Variants in DAB1 observed in about 807,000 individuals in gnomAD.
DAB1 encodes DAB adaptor protein 1.
A neutral mutation model predicts 64.6 loss-of-function variants in DAB1; 15 were observed. That is an observed-to-expected ratio of 0.23 (90% CI 0.16 to 0.36). The LOEUF (loss-of-function observed/expected upper bound fraction) is 0.36. Ranked by LOEUF, DAB1 falls within the 10% of genes least tolerant of loss-of-function variation. DAB1 has a pLI of 1.00. For synonymous variants in DAB1, 235 were observed against 251.9 expected, an observed-to-expected ratio of 0.93 and a Z score of 0.64; for missense variants, 596 against 706.7, an observed-to-expected ratio of 0.84 and a Z score of 1.78.
At chr1:57,182,858 G>A (rs1663123763) in intron 2 of DAB1, among the ~76,000 whole-genome samples, 1 of 152,088 alleles carries the variant, frequency 6.6e-6, no homozygotes. Context: ...GGGCTGTGCT[G>A]TCTAATATGT....
intron 5 of DAB1, among the ~76,000 whole-genome samples, chr1:57,937,765 T>G (rs1645047854): frequency 6.6e-6 from 1 of 152,210 alleles, no homozygotes; most frequent in Non-Finnish European, 1.5e-5. Flanking sequence ...AAATCTTCCT[T>G]TCTTGCTCCT....
chr1:58,067,076 T>C lies in DAB1; in HGVS notation n.387+83435A>G, dbSNP rs192636487. On this transcript the variant is annotated intron_variant and non_coding_transcript_variant, in intron 5 of 20. Transcript: ENST00000485760. ...TCCCCATCAGAATAGCTAATTCCTC[T>C]CATTCCACAAGCATCAGACCCTCTT... is the stretch of plus-strand genomic sequence containing the variant. Among the ~76,000 whole-genome samples, 5 of 152,290 alleles carry C rather than the reference T, an allele frequency of 3.3e-5. No individual in the cohort carries two copies. The East Asian group carries it at 9.7e-4, about 29-fold the overall frequency.
chr1:57,275,530 C>A (rs1671390822), intron 2 of DAB1, among the ~76,000 whole-genome samples: 1 of 152,172 alleles, frequency 6.6e-6, no homozygotes, highest in African/African-American at 2.4e-5. Flanking sequence ...CAGCTAAAAA[C>A]CCCTAAAGTC....
chr1:57,538,854 C>T (rs1484340907), intron 7 of DAB1, among the ~76,000 whole-genome samples: 1 of 152,192 alleles, frequency 6.6e-6, no homozygotes, highest in African/African-American at 2.4e-5. Flanking sequence ...CCCACTCACC[C>T]CCCCTACAAC....
At chr1:58,486,769 TTGCCTAAAGAAC>T (rs1384966933) in intron 3 of DAB1, among the ~76,000 whole-genome samples, 1 of 152,140 alleles carries the variant, frequency 6.6e-6, no homozygotes, top group Non-Finnish European at 1.5e-5. Context: ...ACAGTGACAT[TTGCCTAAAGAAC>T]TGAGGGAAGA....
At chr1:58,079,680 C>G (rs1649876287) in intron 5 of DAB1, among the ~76,000 whole-genome samples, 1 of 151,944 alleles carries the variant, frequency 6.6e-6, no homozygotes, top group South Asian at 2.1e-4. Flanking sequence ...GCCACCACGC[C>G]TGGCTAATTT....
chr1:57,580,546 T>C (rs1645300620), intron 7 of DAB1, among the ~76,000 whole-genome samples: 1 of 152,128 alleles, frequency 6.6e-6, no homozygotes, highest in African/African-American at 2.4e-5. Flanking sequence ...ATCCTTGGGT[T>C]TGCCAGCAGG....
At chr1:57,650,521 T>G (rs1452560759) in intron 6 of DAB1, among the ~76,000 whole-genome samples, 1 of 152,222 alleles carries the variant, frequency 6.6e-6, no homozygotes, top group Non-Finnish European at 1.5e-5. Flanking sequence ...AAATAATTTT[T>G]TAAATGTTCA....
chr1:58,184,487 G>A (rs938837758), intron 4 of DAB1, among the ~76,000 whole-genome samples: 2 of 151,566 alleles, frequency 1.3e-5, no homozygotes, highest in African/African-American at 4.8e-5. Flanking sequence ...GAATGATAAT[G>A]ATAACCAATA....
intron 3 of DAB1, among the ~76,000 whole-genome samples, chr1:58,478,543 G>C (rs1352001323): frequency 6.6e-6 from 1 of 152,126 alleles, no homozygotes. Context: ...GAGGGTTAGA[G>C]AGTTTGCATG....
chr1:57,307,859 T>C (rs1019856894), intron 1 of DAB1, among the ~76,000 whole-genome samples: 3 of 151,674 alleles, frequency 2.0e-5, no homozygotes, highest in African/African-American at 7.3e-5. Flanking sequence ...CTAGACCACC[T>C]TCTTTCCCTA....
At chr1:58,533,975 G>A (rs1404645553) in intron 1 of DAB1, 1 of 871,970 alleles carries the variant, frequency 1.1e-6, no homozygotes, top group East Asian at 2.4e-5. Flanking sequence ...TACTGCATGT[G>A]CTATTTCATG....
chr1:58,029,483 T>C (rs1488460630), intron 5 of DAB1, among the ~76,000 whole-genome samples: 1 of 152,064 alleles, frequency 6.6e-6, no homozygotes, highest in East Asian at 1.9e-4. Flanking sequence ...TCAAAAACAA[T>C]CTTGAAGTTA....
intron 4 of DAB1, among the ~76,000 whole-genome samples, chr1:58,321,754 C>A (rs1433219734): frequency 6.6e-6 from 1 of 152,252 alleles, no homozygotes; most frequent in Non-Finnish European, 1.5e-5. Flanking sequence ...AACAAAGTGG[C>A]TGGGGAAGCT....
intron 5 of DAB1, among the ~76,000 whole-genome samples, chr1:57,909,699 A>C (rs1310587118): frequency 6.6e-6 from 1 of 152,230 alleles, no homozygotes; most frequent in African/African-American, 2.4e-5. Flanking sequence ...TATCTTAATT[A>C]TGTAGATTTT....
intron 1 of DAB1, among the ~76,000 whole-genome samples, chr1:57,326,491 G>A (rs1032596241): frequency 6.6e-6 from 1 of 152,154 alleles, no homozygotes; most frequent in African/African-American, 2.4e-5. Flanking sequence ...CCTTTAATGT[G>A]ACCACACACA....
At chr1:57,743,827 T>G (rs1326755002) in intron 6 of DAB1, among the ~76,000 whole-genome samples, 1 of 152,256 alleles carries the variant, frequency 6.6e-6, no homozygotes, top group African/African-American at 2.4e-5. Context: ...CCCACATATT[T>G]ATTAACAGCA....
chr1:57,455,987 T>C (rs1237287709), intron 7 of DAB1, among the ~76,000 whole-genome samples: 2 of 152,206 alleles, frequency 1.3e-5, no homozygotes, highest in Admixed American at 6.5e-5. Context: ...TAAACATTTA[T>C]TGAATATCTA....
intron 6 of DAB1, among the ~76,000 whole-genome samples, chr1:57,793,484 A>C (rs190692352): frequency 6.6e-6 from 1 of 152,178 alleles, no homozygotes; most frequent in African/African-American, 2.4e-5. Flanking sequence ...CAACAGATAC[A>C]GTGGGCCATG....
Sources: allele counts gnomAD v4.1 joint callset (sites outside exome capture counted in the v4.1 genomes callset), GRCh38; gene constraint gnomAD v4.1.1; transcripts MANE v1.5; gene names NCBI Gene and HGNC (gene_info 2026-07-23, HGNC 2026-07-21).